Variants in ZNF33A observed in about 807,000 individuals in gnomAD.
ZNF33A encodes the protein zinc finger protein 33A.
Under a neutral mutation model 15.9 loss-of-function variants are expected in ZNF33A, and 9 were observed. The observed-to-expected ratio is 0.57, with a 90% CI of 0.34 to 0.99. The LOEUF (loss-of-function observed/expected upper bound fraction) is 0.99, where lower values mean the gene tolerates loss of function less well. Among genes scored for constraint, ZNF33A ranks in the 50% least tolerant of loss-of-function variants. The pLI is 0.02. For synonymous variants in ZNF33A, 294 were observed against 324.2 expected, an observed-to-expected ratio of 0.91 and a Z score of 1.00; for missense variants, 843 against 941.6, an observed-to-expected ratio of 0.90 and a Z score of 1.37.
At chr10:38,011,001 A>C (rs2064150646) in intron 1 of ZNF33A, among the ~76,000 whole-genome samples, 3 of 152,152 alleles carry the variant, frequency 2.0e-5, no homozygotes, top group African/African-American at 7.2e-5. Context: ...GTGTCGCCCC[A>C]TTTGTGGGGG....
At chr10:38,041,802 C>T (rs187320152) in intron 4 of ZNF33A, among the ~76,000 whole-genome samples, 1 of 152,278 alleles carries the variant, frequency 6.6e-6, no homozygotes, top group Non-Finnish European at 1.5e-5. Context: ...ATAAGGGATA[C>T]TCAACCTGTA....
chr10:38,030,980 A>G (rs2065188228), intron 4 of ZNF33A, among the ~76,000 whole-genome samples: 2 of 152,138 alleles, frequency 1.3e-5, no homozygotes, highest in Admixed American at 6.5e-5. Flanking sequence ...AGGAAGGCAG[A>G]GAGGGTGGGA....
rs2066507324 is a variant in ZNF33A at position 38,056,898 on chromosome 10, T to C, written c.*338T>C. The C allele has an allele frequency of 2.0e-6, 2 of 987,076 alleles. No homozygotes were observed. The highest frequency in any genetic ancestry group is 2.4e-6 in the Non-Finnish European group (2 of 822,542). 61.1% of individuals were successfully genotyped at this position (987,076 alleles called of 1,614,324 possible). A position where few individuals can be genotyped will look rare whatever the true frequency, so the allele number is the denominator to read the frequency against. On this transcript the variant is annotated 3_prime_UTR_variant, in exon 5 of 5. Transcript: ENST00000432900. ...CCTAACAATAATTTATAGATGTATA[T>C]TGTGGAATGTAAAGCTTTAAGAACT...
At chr10:38,064,089 C>A (rs771438208), downstream of ZNF33A, 40 of 1,597,288 alleles carry the variant, frequency 2.5e-5, no homozygotes, top group African/African-American at 4.0e-5. Flanking sequence ...CCCTCCCAGG[C>A]CCCTGAGATG....
rs112715207 is a variant in ZNF33A at position 38,022,121 on chromosome 10, C to T, written c.250+4735C>T. 3.7e-3 allele frequency among the ~76,000 whole-genome samples: 553 copies of T among 151,378 alleles called. 6 individuals carry two copies. The highest frequency in any genetic ancestry group is 0.013 in the African/African-American group (531 of 41,206). On this transcript the variant is annotated intron_variant, in intron 4 of 4. Transcript: ENST00000432900. Reference sequence around the variant, plus strand: ...ATAAAACCTCTGTTAAGTAGAAGGACGAAAATAACACTGGAAGCAGAAATC... The same window carrying T: ...ATAAAACCTCTGTTAAGTAGAAGGATGAAAATAACACTGGAAGCAGAAATC...
At chr10:38,038,023 A>C (rs2065528428) in intron 4 of ZNF33A, among the ~76,000 whole-genome samples, 1 of 152,122 alleles carries the variant, frequency 6.6e-6, no homozygotes, top group Non-Finnish European at 1.5e-5. Context: ...GGCTGTCTTT[A>C]ATTTCTTCTA....
chr10:38,050,541 G>C (rs2066155432), intron 4 of ZNF33A, among the ~76,000 whole-genome samples: 1 of 152,224 alleles, frequency 6.6e-6, no homozygotes, highest in Non-Finnish European at 1.5e-5. Flanking sequence ...TGGACTATGT[G>C]TGCAAGTAGA....
chr10:38,021,782 G>T (rs920838904), intron 4 of ZNF33A, among the ~76,000 whole-genome samples: 1 of 152,180 alleles, frequency 6.6e-6, no homozygotes, highest in Non-Finnish European at 1.5e-5. Context: ...ATCATTCTGA[G>T]TATGTATGTT....
downstream of ZNF33A, among the ~76,000 whole-genome samples, chr10:38,067,493 G>T (rs1249635361): frequency 6.6e-6 from 1 of 152,218 alleles, no homozygotes; most frequent in Non-Finnish European, 1.5e-5. Context: ...TTGGGAGACA[G>T]CCTGGTTTAG....
intron 4 of ZNF33A, among the ~76,000 whole-genome samples, chr10:38,018,814 T>C (rs1174179384): frequency 1.3e-5 from 2 of 152,090 alleles, no homozygotes; most frequent in African/African-American, 4.8e-5. Flanking sequence ...GAAGAAGTAA[T>C]GGCTGGACCT....
chr10:38,055,480 G>A lies in ZNF33A; in HGVS notation c.1356G>A (p.Val452=). 6.2e-7 allele frequency: 1 copy of A among 1,613,714 alleles called. No individual in the cohort carries two copies. The highest frequency in any genetic ancestry group is 8.5e-7 in the Non-Finnish European group (1 of 1,179,914). Residue 452 remains valine, a synonymous_variant, in exon 5 of 5, where the codon GTG becomes GTA. Coordinates refer to ENST00000432900, the MANE Select transcript of ZNF33A (RefSeq NM_006954.2). ...ATGAATGTGGAAAATCCTTCCGTGT[G>A]ACTTCGCACCTTAAAGTACACCAGA... ...ECYECGKSFR[V]TSHLKVHQRT...
Position 38,057,156 on chromosome 10 carries a change from A to C in ZNF33A, c.*596A>C, listed in dbSNP as rs553968250. The C allele has an allele frequency of 1.1e-5, 10 of 942,514 alleles. No individual in the cohort carries two copies. The highest frequency in any genetic ancestry group is 1.3e-5 in the Non-Finnish European group (10 of 790,638). 58.4% of individuals were successfully genotyped at this position (942,514 alleles called of 1,614,324 possible). ...TATGTGTGTGTGTGTGGTTATATCA[A>C]ACTTTTACGACTTTTACATTTGAGT... is the stretch of plus-strand genomic sequence containing the variant. On this transcript the variant is annotated 3_prime_UTR_variant, in exon 5 of 5. Transcript: ENST00000432900.
At chr10:38,017,070 T>C in intron 3 of ZNF33A, 55 bp downstream of exon 3, 1 of 1,574,120 alleles carries the variant, frequency 6.4e-7, no homozygotes, top group Non-Finnish European at 8.6e-7. Flanking sequence ...CTTTTGATTA[T>C]GAAGCGTATG....
At chr10:38,062,728 G>T (rs1204199269), downstream of ZNF33A, among the ~76,000 whole-genome samples, 2 of 151,840 alleles carry the variant, frequency 1.3e-5, no homozygotes, top group East Asian at 3.9e-4. Context: ...AAAAGGCTGG[G>T]TGCGGTGGCT....
intron 3 of ZNF33A, 45 bp downstream of exon 3, chr10:38,017,060 C>G (rs766700684): frequency 5.1e-6 from 8 of 1,580,194 alleles, no homozygotes. Flanking sequence ...TTTGTTTATT[C>G]TTTTGATTAT....
chr10:38,066,488 G>A (rs1212488045), downstream of ZNF33A, among the ~76,000 whole-genome samples: 1 of 151,638 alleles, frequency 6.6e-6, no homozygotes, highest in Non-Finnish European at 1.5e-5. Flanking sequence ...TCCTGACCTC[G>A]TGATCCACCC....
At chr10:38,013,234 C>A (rs2064279351) in intron 2 of ZNF33A, among the ~76,000 whole-genome samples, 1 of 152,106 alleles carries the variant, frequency 6.6e-6, no homozygotes, top group Admixed American at 6.6e-5. Context: ...CCTCAGCCTC[C>A]CGAGTAGCTG....
intron 2 of ZNF33A, among the ~76,000 whole-genome samples, chr10:38,015,080 G>T (rs1212808009): frequency 6.6e-6 from 1 of 151,948 alleles, no homozygotes; most frequent in African/African-American, 2.4e-5. Context: ...TTGCCATGTT[G>T]GCCAGGCTGG....
intron 4 of ZNF33A, among the ~76,000 whole-genome samples, chr10:38,053,660 C>G (rs2066317881): frequency 6.6e-6 from 1 of 152,112 alleles, no homozygotes; most frequent in Non-Finnish European, 1.5e-5. Context: ...TTACTCTGCC[C>G]TCTTTACAAC....
Sources: allele counts gnomAD v4.1 joint callset (sites outside exome capture counted in the v4.1 genomes callset), GRCh38; gene constraint gnomAD v4.1.1; transcripts MANE v1.5; gene names NCBI Gene and HGNC (gene_info 2026-07-23, HGNC 2026-07-21).